Variants in ZKSCAN8 observed in about 807,000 individuals in gnomAD.
ZKSCAN8 encodes zinc finger with KRAB and SCAN domains 8.
In ZKSCAN8, 27 loss-of-function variants were observed where a neutral mutation model predicts 57.2. That is an observed-to-expected ratio of 0.47 (90% confidence interval 0.35 to 0.65). The LOEUF is 0.65. ZKSCAN8 is among the 30% of genes least tolerant of loss of function. The probability of loss-of-function intolerance (pLI) is 0.01; values close to 1 mark genes in which losing one functional copy is unlikely to be tolerated. For synonymous variants in ZKSCAN8, 214 were observed against 248.7 expected, an observed-to-expected ratio of 0.86 and a Z score of 1.31; for missense variants, 597 against 696.3, an observed-to-expected ratio of 0.86 and a Z score of 1.60.
rs79777367 is a variant in ZKSCAN8, at chr6:28,154,065, A to G, written c.*48A>G. ...AGCATTATTCAGCATTAGGGAAACC[A>G]CACACTGGTGAGAGGTCTTTCAGTG... On this transcript the variant is annotated 3_prime_UTR_variant, in exon 6 of 6. Coordinates refer to ENST00000330236, the MANE Select transcript of ZKSCAN8 (RefSeq NM_006298.4). 88 of 1,526,626 alleles carry G rather than the reference A, an allele frequency of 5.8e-5. No homozygotes were observed. The East Asian group carries it at 1.9e-3, about 33-fold the overall frequency. The allele number at this position is 1,526,626 out of a possible 1,614,324, so 94.6% of individuals were successfully genotyped here. A position where few individuals can be genotyped will look rare whatever the true frequency, so the allele number is the denominator to read the frequency against.
At chr6:28,152,216 G>A in intron 4 of ZKSCAN8, 45 bp from the exon 5 acceptor site, 1 of 1,571,052 alleles carries the variant, frequency 6.4e-7, no homozygotes, top group Non-Finnish European at 8.6e-7. Context: ...GGTTTGAGCT[G>A]TGGAACAGTC....
At position 28,153,985 on chromosome 6, in the gene ZKSCAN8, A is replaced by G. The variant is rs1315282160; in HGVS notation, c.1705A>G (p.Ser569Gly). 1.9e-6 allele frequency: 3 copies of G among 1,605,742 alleles called. No individual in the cohort carries two copies. Among genetic ancestry groups the G allele is most frequent in the Non-Finnish European group, 2.5e-6 (3 of 1,176,848 alleles). ...SSLIRHQRIHSGEKSESISV is the reference protein window; with the variant it reads ...SSLIRHQRIHGGEKSESISV ...TCTCATTCGACATCAGAGAATCCAC[A>G]GTGGTGAAAAATCTGAATCCATAAG... Residue 569 changes from serine to glycine, a missense_variant, in exon 6 of 6, where the codon AGT becomes GGT. Physicochemically the swap from Ser to Gly is moderately conservative, Grantham distance 56. Coordinates refer to ENST00000330236, the MANE Select transcript of ZKSCAN8 (RefSeq NM_006298.4).
chr6:28,148,888 A>G (rs769809885), intron 2 of ZKSCAN8, 64 bp downstream of exon 2: 1 of 1,531,930 alleles, frequency 6.5e-7, no homozygotes, highest in Non-Finnish European at 8.8e-7. Flanking sequence ...AGAGGGACAT[A>G]GGCATCACAG....
intron 4 of ZKSCAN8, 24 bp from the exon 5 acceptor site, chr6:28,152,237 A>C (rs759745311): frequency 1.9e-6 from 3 of 1,592,622 alleles, no homozygotes; most frequent in Admixed American, 3.6e-5. Context: ...CCAGTCCCCA[A>C]ATGGGGATCT....
At position 28,148,447 on chromosome 6, in the gene ZKSCAN8, C is replaced by T; in HGVS notation, c.40C>T (p.Pro14Ser). ...AAGAAAGCCTTCAGCCCCATCCCCA[C>T]CAGACCAGACTCCTGAAGAGGATCT... ...ESRKPSAPSP[P>S]DQTPEEDLVI... is the part of the protein sequence containing the mutation. Residue 14 changes from proline to serine, a missense_variant, in exon 2 of 6, where the codon CCA becomes TCA. Transcript: ENST00000330236. 9 of 1,614,166 alleles carry T rather than the reference C, an allele frequency of 5.6e-6. No homozygotes were observed. Among genetic ancestry groups the T allele is most frequent in the South Asian group, 3.3e-5 (3 of 91,082 alleles).
At chr6:28,152,019 G>A in intron 4 of ZKSCAN8, 83 bp downstream of exon 4, 1 of 1,503,528 alleles carries the variant, frequency 6.7e-7, no homozygotes, top group South Asian at 1.2e-5. Context: ...TGACTGTCTA[G>A]TTTGTAGCAG....
chr6:28,143,070 C>T (rs1203111477), intron 1 of ZKSCAN8, among the ~76,000 whole-genome samples: 4 of 152,026 alleles, frequency 2.6e-5, no homozygotes, highest in Non-Finnish European at 5.9e-5. Context: ...ATTTAAAATC[C>T]AGAGGAAGCT....
At position 28,152,166 on chromosome 6, in the gene ZKSCAN8, T is replaced by C. The variant is rs958954929; in HGVS notation, c.652-95T>C. On this transcript the variant is annotated intron_variant, in intron 4 of 5. Transcript: ENST00000330236. ...CTTTACATAGTACATTCCCAAGTTG[T>C]AATTCTCTCCCAATACTGGTGGATC... 1.4e-5 allele frequency: 21 copies of C among 1,521,020 alleles called. 1 individual carries two copies. In the African/African-American group the frequency reaches 1.8e-4, roughly 13 times the overall value. 94.2% of individuals were successfully genotyped at this position (1,521,020 alleles called of 1,614,324 possible). A position where few individuals can be genotyped will look rare whatever the true frequency, so the allele number is the denominator to read the frequency against.
intron 2 of ZKSCAN8, among the ~76,000 whole-genome samples, chr6:28,149,184 C>T (rs976408490): frequency 1.3e-5 from 2 of 152,152 alleles, no homozygotes; most frequent in African/African-American, 2.4e-5. Flanking sequence ...TACTGCATAG[C>T]ACTGCTTTAA....
intron 5 of ZKSCAN8, 29 bp downstream of exon 5, chr6:28,152,413 T>C (rs1229487233): frequency 3.2e-6 from 5 of 1,573,116 alleles, no homozygotes; most frequent in Admixed American, 4.0e-5. Flanking sequence ...ATTATTGTCA[T>C]TTTAGATTTT....
intron 4 of ZKSCAN8, 100 bp from the exon 5 acceptor site, chr6:28,152,161 A>G: frequency 6.6e-7 from 1 of 1,513,984 alleles, no homozygotes; most frequent in South Asian, 1.3e-5. Context: ...TACATTCCCA[A>G]GTTGTAATTC....
In ZKSCAN8 at chr6:28,148,597, G is replaced by T. The variant is rs754942871; in HGVS notation, c.190G>T (p.Gly64Ter). The T allele has an allele frequency of 6.2e-7, 1 of 1,614,134 alleles. No individual in the cohort carries two copies. Among genetic ancestry groups the T allele is most frequent in the Non-Finnish European group, 8.5e-7 (1 of 1,180,014 alleles). The change falls in exon 2 of 6, where the codon GGA (glycine) becomes TGA (stop). Residue 64 changes from glycine (G) to a stop codon, truncating the protein, a stop_gained. Transcript: ENST00000330236. LOFTEE classifies it high-confidence loss of function. Reference sequence around the variant, plus strand: ...GCAGTTACGCTACCAGGAGACACTAGGACCCCGAGAAGCTCTGATCCAACT... The same window carrying T: ...GCAGTTACGCTACCAGGAGACACTATGACCCCGAGAAGCTCTGATCCAACT... ...FRQLRYQETL[G>*]PREALIQLRA...
In ZKSCAN8 at chr6:28,156,449, T is replaced by C; in HGVS notation, c.*2432T>C. ...GAGAAAATAATATGACTAGAAAAATTAGTGTTATATTGGGTGTGAGAAAAG... is the reference window on the plus strand; with the variant it reads ...GAGAAAATAATATGACTAGAAAAATCAGTGTTATATTGGGTGTGAGAAAAG... On this transcript the variant is annotated 3_prime_UTR_variant, in exon 6 of 6. Coordinates refer to ENST00000330236, the MANE Select transcript of ZKSCAN8 (RefSeq NM_006298.4). The C allele has an allele frequency of 2.7e-6, 1 of 370,650 alleles. No homozygotes were observed. Among genetic ancestry groups the C allele is most frequent in the Non-Finnish European group, 4.8e-6 (1 of 208,252 alleles). 23.0% of individuals were successfully genotyped at this position (370,650 alleles called of 1,614,324 possible).
In ZKSCAN8 at chr6:28,155,613, T is replaced by G. The variant is rs1765757528; in HGVS notation, c.*1596T>G. 1 of 152,218 alleles carries G rather than the reference T, an allele frequency of 6.6e-6. No homozygotes were observed. Among genetic ancestry groups the G allele is most frequent in the South Asian group, 2.1e-4 (1 of 4,832 alleles). 9.4% of individuals were successfully genotyped at this position (152,218 alleles called of 1,614,324 possible). ...CTTAAAATTGATTACATTGAGCCTA[T>G]TCAGAAAAAAAATTATATAGGTTCT... On this transcript the variant is annotated 3_prime_UTR_variant, in exon 6 of 6. Coordinates refer to ENST00000330236, the MANE Select transcript of ZKSCAN8 (RefSeq NM_006298.4).
rs888880945 is a variant in ZKSCAN8 at position 28,153,510 on chromosome 6, G to A, written c.1230G>A (p.Gln410=). The A allele has an allele frequency of 1.2e-6, 2 of 1,612,280 alleles. No individual in the cohort carries two copies. The highest frequency in any genetic ancestry group is 1.3e-5 in the African/African-American group (1 of 74,898). Residue 410 remains glutamine (Q), a synonymous_variant, in exon 6 of 6, where the codon CAG becomes CAA. Transcript: ENST00000330236. Reference sequence around the variant, plus strand: ...GGGAGAAGCCATATCAGTGCAATCAGTGTGGGAAGGCTTTCAGTCAGAGTG... The same window carrying A: ...GGGAGAAGCCATATCAGTGCAATCAATGTGGGAAGGCTTTCAGTCAGAGTG... ...HTGEKPYQCN[Q]CGKAFSQSAG... is the part of the protein sequence containing the mutation.
intron 1 of ZKSCAN8, among the ~76,000 whole-genome samples, chr6:28,142,685 A>G (rs1052479286): frequency 2.0e-5 from 3 of 152,198 alleles, no homozygotes; most frequent in Non-Finnish European, 2.9e-5. Context: ...TTGTCAGGCT[A>G]CTTTGACTGC....
chr6:28,155,508 T>C lies in ZKSCAN8; in HGVS notation c.*1491T>C, dbSNP rs918837772. On this transcript the variant is annotated 3_prime_UTR_variant, in exon 6 of 6. Coordinates refer to ENST00000330236, the MANE Select transcript of ZKSCAN8 (RefSeq NM_006298.4). ...AAAACCCTCTATTACTCTTACACTT[T>C]AGTTTTACCATTTGAGTAGCCACTT... The C allele has an allele frequency of 4.6e-5, 7 of 152,196 alleles. No homozygotes were observed. Among genetic ancestry groups the C allele is most frequent in the African/African-American group, 1.7e-4 (7 of 41,440 alleles). 9.4% of individuals were successfully genotyped at this position (152,196 alleles called of 1,614,324 possible). A position where few individuals can be genotyped will look rare whatever the true frequency, so the allele number is the denominator to read the frequency against.
At chr6:28,146,129 G>A (rs1468503260) in intron 1 of ZKSCAN8, among the ~76,000 whole-genome samples, 1 of 152,130 alleles carries the variant, frequency 6.6e-6, no homozygotes, top group Non-Finnish European at 1.5e-5. Flanking sequence ...TCGGACATCA[G>A]GTCTTGTTTC....
chr6:28,149,400 G>A (rs1765516412), intron 2 of ZKSCAN8, 83 bp from the exon 3 acceptor site: 4 of 1,551,008 alleles, frequency 2.6e-6, no homozygotes, highest in African/African-American at 1.4e-5. Context: ...ATATATCCCT[G>A]TAGATGTGTT....
Sources: allele counts gnomAD v4.1 joint callset (sites outside exome capture counted in the v4.1 genomes callset), GRCh38; gene constraint gnomAD v4.1.1; transcripts MANE v1.5; gene names NCBI Gene and HGNC (gene_info 2026-07-23, HGNC 2026-07-21).